ATP8A2: variants seen among roughly 807,000 people sequenced by gnomAD.
The protein encoded by ATP8A2 is phospholipid-transporting ATPase IB.
Under a neutral mutation model 165.6 loss-of-function variants are expected in ATP8A2, and 100 were observed. The ratio of observed to expected loss-of-function variants is 0.60; its 90% CI spans 0.51 to 0.71. The LOEUF (loss-of-function observed/expected upper bound fraction) is 0.71, where lower values mean the gene tolerates loss of function less well. Ranked by LOEUF, ATP8A2 falls within the 30% of genes least tolerant of loss-of-function variation. The pLI is 0.00. For synonymous variants in ATP8A2, 543 were observed against 548.8 expected, an observed-to-expected ratio of 0.99 and a Z score of 0.15; for missense variants, 1,227 against 1,479.5, an observed-to-expected ratio of 0.83 and a Z score of 2.80.
rs1434565049 is a variant in ATP8A2, at chr13:26,022,114, T to C, written c.*2129T>C. ...AGTACCCAGCAAGACGGAAGGACTG[T>C]CATGCAGGAACTCTAACACAAAATG... is the stretch of plus-strand genomic sequence containing the variant. On this transcript the variant is annotated 3_prime_UTR_variant, in exon 37 of 37. Coordinates refer to ENST00000381655, the MANE Select transcript of ATP8A2 (RefSeq NM_016529.6). 6.6e-6 allele frequency: 1 copy of C among 152,154 alleles called. No homozygotes were observed. The highest frequency in any genetic ancestry group is 2.4e-5 in the African/African-American group (1 of 41,412). The allele number at this position is 152,154 out of a possible 1,614,324, so 9.4% of individuals were successfully genotyped here.
intron 24 of ATP8A2, chr13:25,648,893 A>G: frequency 2.4e-6 from 1 of 424,854 alleles, no homozygotes; most frequent in Non-Finnish European, 4.7e-6. Context: ...GAATCCACAG[A>G]TGTGGAACCC....
intron 23 of ATP8A2, among the ~76,000 whole-genome samples, chr13:25,584,473 A>G (rs1304847020): frequency 6.6e-6 from 1 of 152,308 alleles, no homozygotes; most frequent in East Asian, 1.9e-4. Context: ...AAGATCAAGT[A>G]TCTAGCAGTT....
At chr13:25,520,343 C>T (rs1413334519) in intron 2 of ATP8A2, among the ~76,000 whole-genome samples, 4 of 152,174 alleles carry the variant, frequency 2.6e-5, no homozygotes, top group Non-Finnish European at 5.9e-5. Flanking sequence ...CTGCAAATGA[C>T]AGGATCTCAT....
At chr13:25,378,231 T>A (rs1483574575) in intron 1 of ATP8A2, among the ~76,000 whole-genome samples, 1 of 152,102 alleles carries the variant, frequency 6.6e-6, no homozygotes, top group African/African-American at 2.4e-5. Flanking sequence ...TGTGAATAGG[T>A]CTCTTGCTCT....
intron 11 of ATP8A2, among the ~76,000 whole-genome samples, chr13:25,552,094 C>T (rs1004975850): frequency 5.3e-5 from 8 of 151,990 alleles, no homozygotes; most frequent in African/African-American, 1.9e-4. Flanking sequence ...TCAAGCAATT[C>T]TCCTGCCTCA....
In ATP8A2 at chr13:25,372,192, C is replaced by G. The variant is rs1269333572; in HGVS notation, c.-21C>G. On this transcript the variant is annotated 5_prime_UTR_variant, in exon 1 of 37. Coordinates refer to ENST00000381655, the MANE Select transcript of ATP8A2 (RefSeq NM_016529.6). This position sits in a 1 kb window ranked among gnomAD's most constrained non-coding sequence, Gnocchi z 4.8. ...GCCTCCGTCTCTCGCCCGGGGCCGC[C>G]GAGCCCCCGACACGGGCGAGATGCT... 7.0e-7 allele frequency: 1 copy of G among 1,419,764 alleles called. No individual in the cohort carries two copies. Among genetic ancestry groups the G allele is most frequent in the Admixed American group, 2.6e-5 (1 of 38,590 alleles). The allele number at this position is 1,419,764 out of a possible 1,614,324, so 87.9% of individuals were successfully genotyped here. A position where few individuals can be genotyped will look rare whatever the true frequency, so the allele number is the denominator to read the frequency against.
intron 1 of ATP8A2, among the ~76,000 whole-genome samples, chr13:25,400,523 A>G (rs2033603322): frequency 1.3e-5 from 2 of 152,198 alleles, no homozygotes. Context: ...GTATCATTTC[A>G]AGTCCTCTCT....
chr13:25,732,492 A>T (rs185655427), intron 25 of ATP8A2, among the ~76,000 whole-genome samples: 1 of 152,394 alleles, frequency 6.6e-6, no homozygotes, highest in Non-Finnish European at 1.5e-5. Context: ...AGATAAATAA[A>T]TGAAACATCT....
chr13:25,700,665 T>C (rs752725169), intron 25 of ATP8A2, among the ~76,000 whole-genome samples: 1 of 152,228 alleles, frequency 6.6e-6, no homozygotes, highest in Non-Finnish European at 1.5e-5. Context: ...ACTGTGAAGA[T>C]TGATGTACAA....
intron 27 of ATP8A2, among the ~76,000 whole-genome samples, chr13:25,804,743 G>A (rs1950693831): frequency 6.6e-6 from 1 of 152,146 alleles, no homozygotes; most frequent in East Asian, 1.9e-4. Context: ...TGGGTGCCGA[G>A]CTGCCACAGG....
In ATP8A2 at chr13:25,743,081, TTG is replaced by T. The variant is rs567378143; in HGVS notation, c.2385-25964_2385-25963del. On this transcript the variant is annotated intron_variant, in intron 25 of 36. Coordinates refer to ENST00000381655, the MANE Select transcript of ATP8A2 (RefSeq NM_016529.6). The stretch of plus-strand genomic sequence containing the variant: ...TAAAACTAGGGTCATTTCAGATGTA[TTG>T]AGATGAGGTCATTAGGGTGGACCTC... Among the ~76,000 whole-genome samples, 11 of 152,218 alleles carry T rather than the reference TTG, an allele frequency of 7.2e-5. No individual in the cohort carries two copies. The South Asian group carries it at 2.3e-3, about 32-fold the overall frequency.
chr13:25,428,819 C>A (rs146989521), intron 1 of ATP8A2, among the ~76,000 whole-genome samples: 44 of 152,248 alleles, frequency 2.9e-4, no homozygotes, highest in Middle Eastern at 3.4e-3. Context: ...TATGCATCAG[C>A]TGGAGAAAAA....
intron 27 of ATP8A2, among the ~76,000 whole-genome samples, chr13:25,781,360 A>G (rs754341109): frequency 6.6e-6 from 1 of 152,184 alleles, no homozygotes; most frequent in Non-Finnish European, 1.5e-5. Flanking sequence ...ATTTTTTAAA[A>G]TTGTTTTGCA....
rs543783362 is a variant in ATP8A2, at chr13:25,513,207, G to A, written c.222-16792G>A. On this transcript the variant is annotated intron_variant, in intron 2 of 36. Transcript: ENST00000381655. Reference sequence around the variant, plus strand: ...AGGCTCCTCACTTCTCAGACGGTGCGGTTGCCAGGTGGAGGGTCTCCTCAC... The same window carrying A: ...AGGCTCCTCACTTCTCAGACGGTGCAGTTGCCAGGTGGAGGGTCTCCTCAC... Among the ~76,000 whole-genome samples, 592 of 151,712 alleles carry A rather than the reference G, an allele frequency of 3.9e-3. 4 individuals are homozygous for A. The highest frequency in any genetic ancestry group is 4.8e-3 in the Non-Finnish European group (328 of 67,858).
At chr13:25,922,546 G>C (rs1954488801) in intron 33 of ATP8A2, among the ~76,000 whole-genome samples, 1 of 152,170 alleles carries the variant, frequency 6.6e-6, no homozygotes, top group Non-Finnish European at 1.5e-5. Context: ...GCAGGGAGTT[G>C]GTTTCCCGTA....
chr13:25,512,538 G>A (rs1411720422), intron 2 of ATP8A2, among the ~76,000 whole-genome samples: 6 of 151,326 alleles, frequency 4.0e-5, no homozygotes, highest in African/African-American at 1.2e-4. Context: ...TCCCGGACGG[G>A]GCGGCTGGCC....
chr13:25,735,799 AC>A, intron 25 of ATP8A2, among the ~76,000 whole-genome samples: 1 of 152,280 alleles, frequency 6.6e-6, no homozygotes, highest in African/African-American at 2.4e-5. Flanking sequence ...TAGTGCAAAT[AC>A]TTTATTTTTC....
At chr13:25,975,556 T>A (rs2139233434) in intron 35 of ATP8A2, among the ~76,000 whole-genome samples, 1 of 151,696 alleles carries the variant, frequency 6.6e-6, no homozygotes, top group Admixed American at 6.6e-5. Flanking sequence ...CACTCCAGCC[T>A]GGGGGACAGA....
At chr13:25,474,205 T>A (rs1323126784) in intron 2 of ATP8A2, among the ~76,000 whole-genome samples, 4 of 152,178 alleles carry the variant, frequency 2.6e-5, no homozygotes, top group African/African-American at 9.6e-5. Context: ...AAAGGAAAAT[T>A]ACTTCATACA....
Sources: allele counts gnomAD v4.1 joint callset (sites outside exome capture counted in the v4.1 genomes callset), GRCh38; gene constraint gnomAD v4.1.1; non-coding constraint Gnocchi (gnomAD v3.1); transcripts MANE v1.5; gene names NCBI Gene and HGNC (gene_info 2026-07-23, HGNC 2026-07-21).